CLVS1: variants seen among roughly 807,000 people sequenced by gnomAD.
CLVS1 encodes clavesin-1.
In CLVS1, 10 loss-of-function variants were observed where a neutral mutation model predicts 33.1. The ratio of observed to expected loss-of-function variants is 0.30; its 90% confidence interval spans 0.19 to 0.51. The LOEUF (loss-of-function observed/expected upper bound fraction) is 0.51. CLVS1 is among the 20% of genes least tolerant of loss of function. The pLI is 0.97. For synonymous variants in CLVS1, 163 were observed against 166.1 expected (o/e 0.98, Z 0.14); for missense variants, 343 against 433.4 (o/e 0.79, Z 1.85).
intron 3 of CLVS1, among the ~76,000 whole-genome samples, chr8:61,411,108 A>G (rs1815205687): frequency 6.6e-6 from 1 of 152,212 alleles, no homozygotes; most frequent in Admixed American, 6.5e-5. Flanking sequence ...AAATCCTACA[A>G]GTTGTTCTGG....
the CLVS1 span, among the ~76,000 whole-genome samples, chr8:60,985,000 A>G: frequency 6.6e-6 from 1 of 152,128 alleles, no homozygotes; most frequent in East Asian, 1.9e-4. Flanking sequence ...CCACCCATAC[A>G]CATGAGTTCA....
chr8:60,971,572 G>C, the CLVS1 span, among the ~76,000 whole-genome samples: 4 of 152,080 alleles, frequency 2.6e-5, no homozygotes, highest in African/African-American at 9.7e-5. Context: ...GCTTCCAGAG[G>C]TGCAGAGTAA....
intron 3 of CLVS1, among the ~76,000 whole-genome samples, chr8:61,407,566 A>G (rs1238439127): frequency 6.6e-6 from 1 of 152,232 alleles, no homozygotes; most frequent in Non-Finnish European, 1.5e-5. Context: ...GGTGACAACG[A>G]ATTTTGTGCA....
intron 2 of CLVS1, among the ~76,000 whole-genome samples, chr8:61,366,305 G>T (rs558951838): frequency 2.0e-5 from 3 of 152,100 alleles, no homozygotes; most frequent in African/African-American, 7.2e-5. Flanking sequence ...TGGTATACAA[G>T]CCTTCCTGTT....
intron 1 of CLVS1, among the ~76,000 whole-genome samples, chr8:61,297,448 A>C (rs1346000549): frequency 6.6e-6 from 1 of 152,174 alleles, no homozygotes; most frequent in African/African-American, 2.4e-5. Context: ...AGTGGGCGAT[A>C]AGAGGGAGAG....
intron 2 of CLVS1, among the ~76,000 whole-genome samples, chr8:61,275,292 A>G (rs1333553574): frequency 3.3e-5 from 5 of 152,112 alleles, no homozygotes. Context: ...TTATGAATTT[A>G]TGCTACCTGC....
intron 2 of CLVS1, among the ~76,000 whole-genome samples, chr8:61,154,319 G>A (rs910801839): frequency 6.6e-6 from 1 of 152,006 alleles, no homozygotes; most frequent in Non-Finnish European, 1.5e-5. Flanking sequence ...CTGAATGAAA[G>A]TGGCTCTATT....
intron 2 of CLVS1, among the ~76,000 whole-genome samples, chr8:61,272,296 G>A (rs893265628): frequency 4.6e-5 from 7 of 152,172 alleles, no homozygotes; most frequent in South Asian, 2.1e-4. Flanking sequence ...GAAAATTCTT[G>A]TCTTTAAGAA....
chr8:61,352,921 T>C (rs897251471), intron 2 of CLVS1, among the ~76,000 whole-genome samples: 1 of 152,096 alleles, frequency 6.6e-6, no homozygotes, highest in African/African-American at 2.4e-5. Flanking sequence ...GTAGGTTATA[T>C]GTAAATACTA....
At chr8:61,219,580 G>T (rs1382058724) in intron 2 of CLVS1, among the ~76,000 whole-genome samples, 2 of 152,126 alleles carry the variant, frequency 1.3e-5, no homozygotes, top group African/African-American at 4.8e-5. Context: ...CCATGGCTTT[G>T]CTATTTTAAA....
chr8:61,157,247 G>A (rs533964464), intron 2 of CLVS1, among the ~76,000 whole-genome samples: 9 of 151,976 alleles, frequency 5.9e-5, no homozygotes, highest in Non-Finnish European at 1.2e-4. Flanking sequence ...TCCACACATA[G>A]GCAATTAAAT....
At chr8:61,120,632 G>C (rs559952335) in intron 1 of CLVS1, among the ~76,000 whole-genome samples, 2 of 127,720 alleles carry the variant, frequency 1.6e-5, no homozygotes, top group Admixed American at 7.3e-5. Context: ...ATACCCTGCC[G>C]TGTGAGGTGT....
chr8:61,485,675 G>A (rs1803852203), intron 5 of CLVS1, among the ~76,000 whole-genome samples: 1 of 152,220 alleles, frequency 6.6e-6, no homozygotes, highest in Admixed American at 6.5e-5. Context: ...ATTCACAATA[G>A]CAAAGACTTA....
At chr8:61,414,623 G>T (rs1412352114) in intron 3 of CLVS1, among the ~76,000 whole-genome samples, 1 of 152,198 alleles carries the variant, frequency 6.6e-6, no homozygotes, top group African/African-American at 2.4e-5. Context: ...TGTTATAAGG[G>T]ACCAGCTCTT....
intron 1 of CLVS1, among the ~76,000 whole-genome samples, chr8:61,069,886 G>C (rs1340993257): frequency 1.3e-5 from 2 of 152,058 alleles, no homozygotes; most frequent in Non-Finnish European, 2.9e-5. Context: ...TGCCTCCCGG[G>C]TGATTCTCCT....
chr8:61,096,474 T>G (rs913309453), intron 1 of CLVS1, among the ~76,000 whole-genome samples: 5 of 152,242 alleles, frequency 3.3e-5, no homozygotes, highest in African/African-American at 1.2e-4. Flanking sequence ...AACCCCATAT[T>G]CTGTAGGAAA....
At position 61,449,507 on chromosome 8, in the gene CLVS1, G is replaced by A. The variant is rs1176838166; in HGVS notation, c.631-4634G>A. Among the ~76,000 whole-genome samples the A allele has an allele frequency of 2.6e-5, 4 of 152,204 alleles. No homozygotes were observed. In the East Asian group the frequency reaches 7.7e-4, roughly 29 times the overall value. On this transcript the variant is annotated intron_variant, in intron 3 of 5. Transcript: ENST00000325897. The stretch of plus-strand genomic sequence containing the variant: ...ACAGCCTTGCTAGGGTGAAGATCAG[G>A]CTGCCCACTCAGACTTTGCTAGCAT...
intron 2 of CLVS1, among the ~76,000 whole-genome samples, chr8:61,303,249 T>C (rs1810500534): frequency 6.6e-6 from 1 of 152,240 alleles, no homozygotes; most frequent in African/African-American, 2.4e-5. Context: ...TTGGTCCATG[T>C]ATATCCCAAA....
chr8:61,464,088 C>CAA (rs34442006), intron 5 of CLVS1, among the ~76,000 whole-genome samples: 44 of 117,908 alleles, frequency 3.7e-4, no homozygotes, highest in African/African-American at 1.5e-3. Flanking sequence ...GACTCTGTCT[C>CAA]AAAAAAAAAA....
Sources: gnomAD v4.1 joint callset for allele counts (sites outside exome capture counted in the v4.1 genomes callset) on GRCh38, gnomAD v4.1.1 for gene constraint, MANE v1.5 for transcripts, NCBI Gene and HGNC (gene_info 2026-07-23, HGNC 2026-07-21) for gene names.